The following CCDC38 variants were observed in gnomAD, a reference collection of about 807,000 sequenced individuals.
The protein encoded by CCDC38 is coiled-coil domain containing 38, also known as coiled-coil domain-containing protein 38.
In CCDC38, 69 loss-of-function variants were observed where a neutral mutation model predicts 72.8. The observed-to-expected ratio is 0.95, with a 90% CI of 0.78 to 1.16. The LOEUF (loss-of-function observed/expected upper bound fraction) is 1.16. Among genes scored for constraint, CCDC38 ranks in the 50% most tolerant of loss-of-function variants. CCDC38 has a pLI of 0.00. For synonymous variants in CCDC38, 201 were observed against 213.2 expected, an observed-to-expected ratio of 0.94 and a Z score of 0.50; for missense variants, 626 against 638.9, an observed-to-expected ratio of 0.98 and a Z score of 0.22.
In CCDC38 at chr12:95,908,939, A is replaced by G. The variant is rs1565957755; in HGVS notation, c.305-2488T>C. ...CATTCTGGAAATTTATACATATGCT[A>G]CATTTCAATAATGTTTGCTTCATAA... is the stretch of plus-strand genomic sequence containing the variant. On this transcript the variant is annotated intron_variant, in intron 4 of 15. Transcript: ENST00000344280. Among the ~76,000 whole-genome samples the G allele has an allele frequency of 1.3e-5, 2 of 152,138 alleles. 1 individual carries two copies.
intron 4 of CCDC38, among the ~76,000 whole-genome samples, chr12:95,912,939 T>C (rs2080109797): frequency 1.3e-5 from 2 of 151,940 alleles, no homozygotes. Context: ...TGTGTGCCTG[T>C]AGTCCCAGCT....
chr12:95,867,701 G>A (rs930345507), intron 15 of CCDC38, among the ~76,000 whole-genome samples: 7 of 152,170 alleles, frequency 4.6e-5, no homozygotes, highest in African/African-American at 7.2e-5. Flanking sequence ...GGGAAACCCC[G>A]AGTTCATACC....
At chr12:95,884,565 AACAGTAACTTATTCTCTC>A (rs1203739267) in intron 10 of CCDC38, among the ~76,000 whole-genome samples, 1 of 152,254 alleles carries the variant, frequency 6.6e-6, no homozygotes, top group Non-Finnish European at 1.5e-5. Flanking sequence ...AGCTTAAAGC[AACAGTAACTTATTCTCTC>A]ACAGTTCTGG....
chr12:95,927,668 G>A (rs937552106), intron 2 of CCDC38, among the ~76,000 whole-genome samples: 8 of 152,174 alleles, frequency 5.3e-5, no homozygotes, highest in South Asian at 2.1e-4. Context: ...ATTTTGCAGC[G>A]GCTGGTATTG....
At chr12:95,885,361 T>C (rs1353892839) in intron 10 of CCDC38, 1 of 157,198 alleles carries the variant, frequency 6.4e-6, no homozygotes, top group Non-Finnish European at 1.4e-5. Context: ...CAATGTGTTC[T>C]GATGATTGGT....
intron 4 of CCDC38, 76 bp downstream of exon 4, chr12:95,917,053 C>T: frequency 8.1e-7 from 1 of 1,228,898 alleles, no homozygotes; most frequent in Non-Finnish European, 1.1e-6. Context: ...TTTAATCACC[C>T]TCCAACAAAG....
Position 95,879,601 on chromosome 12 carries a change from A to C in CCDC38, c.1142+43T>G, listed in dbSNP as rs1565943684. Reference sequence around the variant, plus strand: ...TGAGTTGGACCCAGGCTCTGGTTAGAAATTGCTTAATGGAATAAATCTACT... The same window carrying C: ...TGAGTTGGACCCAGGCTCTGGTTAGCAATTGCTTAATGGAATAAATCTACT... On this transcript the variant is annotated intron_variant, in intron 12 of 15. Coordinates refer to ENST00000344280, the MANE Select transcript of CCDC38 (RefSeq NM_182496.3). The surrounding 1 kb of genome is among the most constrained non-coding windows in gnomAD (Gnocchi z 5.5). The C allele has an allele frequency of 7.0e-7, 1 of 1,425,520 alleles. No individual in the cohort carries two copies. The highest frequency in any genetic ancestry group is 1.9e-5 in the Admixed American group (1 of 52,716). The allele number at this position is 1,425,520 out of a possible 1,614,324, so 88.3% of individuals were successfully genotyped here.
At chr12:95,939,763 C>G (rs141966423) in intron 1 of CCDC38, among the ~76,000 whole-genome samples, 179 of 152,244 alleles carry the variant, frequency 1.2e-3, no homozygotes, top group African/African-American at 3.8e-3. Context: ...GAACCCCATG[C>G]TGGTTGATTT....
intron 2 of CCDC38, among the ~76,000 whole-genome samples, chr12:95,924,644 G>A (rs1365211011): frequency 6.6e-6 from 1 of 151,088 alleles, no homozygotes; most frequent in Non-Finnish European, 1.5e-5. Context: ...TAATGCCTAG[G>A]TTTTCTTCTA....
rs201793315 is a variant in CCDC38 at position 95,922,879 on chromosome 12, C to T, written c.38-3903G>A. Among the ~76,000 whole-genome samples, 12 of 152,160 alleles carry T rather than the reference C, an allele frequency of 7.9e-5. No individual in the cohort carries two copies. The East Asian group carries it at 9.7e-4, about 12-fold the overall frequency. On this transcript the variant is annotated intron_variant, in intron 2 of 15. Transcript: ENST00000344280. Reference sequence around the variant, plus strand: ...GGTGCCTGTGATGGTTAATTGTGTGCGTCAACTTGACTGGGCCATGGGTTC... The same window carrying T: ...GGTGCCTGTGATGGTTAATTGTGTGTGTCAACTTGACTGGGCCATGGGTTC...
chr12:95,875,866 A>T (rs1166801950), intron 13 of CCDC38, among the ~76,000 whole-genome samples: 1 of 152,156 alleles, frequency 6.6e-6, no homozygotes, highest in Admixed American at 6.5e-5. Context: ...TGGTTGCCTC[A>T]ATGTTAAAGA....
chr12:95,919,354 G>A, intron 2 of CCDC38: 1 of 375,014 alleles, frequency 2.7e-6, no homozygotes. Flanking sequence ...TGTATGAGTG[G>A]TTGAGGTACG....
intron 2 of CCDC38, among the ~76,000 whole-genome samples, chr12:95,926,728 T>A (rs553949902): frequency 5.9e-5 from 9 of 151,632 alleles, no homozygotes; most frequent in Admixed American, 5.9e-4. Context: ...TCCCAGAGAT[T>A]CTGGTATGTT....
At chr12:95,933,491 C>T (rs112134262) in intron 2 of CCDC38, 1 of 152,154 alleles carries the variant, frequency 6.6e-6, no homozygotes, top group African/African-American at 2.4e-5. Context: ...CATAATTTCA[C>T]CCATTTGATT....
chr12:95,897,507 G>A (rs1268656070), intron 7 of CCDC38, among the ~76,000 whole-genome samples: 1 of 151,346 alleles, frequency 6.6e-6, no homozygotes, highest in Non-Finnish European at 1.5e-5. Flanking sequence ...CTACTCAAGT[G>A]GCTGAGGCAG....
chr12:95,907,649 T>TGGCTGCCGGGCAGAGGGGC (rs1476444798), intron 4 of CCDC38, among the ~76,000 whole-genome samples: 3 of 104,126 alleles, frequency 2.9e-5, no homozygotes, highest in African/African-American at 1.1e-4. Context: ...CCAGACGGGG[T>TGGCTGCCGGGCAGAGGGGC]GGCTGCCGGG....
At chr12:95,912,582 A>T (rs1297958528) in intron 4 of CCDC38, among the ~76,000 whole-genome samples, 2 of 152,202 alleles carry the variant, frequency 1.3e-5, no homozygotes, top group Non-Finnish European at 2.9e-5. Context: ...ATAGTTTGTT[A>T]CATATTTTCA....
chr12:95,907,179 T>C (rs1353475866), intron 4 of CCDC38, among the ~76,000 whole-genome samples: 7 of 145,068 alleles, frequency 4.8e-5, no homozygotes, highest in African/African-American at 1.8e-4. Context: ...GCAGAAGAAT[T>C]TTTCTTAGTA....
chr12:95,870,044 G>A (rs535740011), intron 14 of CCDC38, among the ~76,000 whole-genome samples: 4 of 152,146 alleles, frequency 2.6e-5, no homozygotes, highest in East Asian at 1.9e-4. Flanking sequence ...GGCCGGTCTC[G>A]AACTCCTGAC....
Sources: allele counts gnomAD v4.1 joint callset (sites outside exome capture counted in the v4.1 genomes callset), GRCh38; gene constraint gnomAD v4.1.1; non-coding constraint Gnocchi (gnomAD v3.1); transcripts MANE v1.5; gene names NCBI Gene and HGNC (gene_info 2026-07-23, HGNC 2026-07-21).